The following CFAP69 variants were observed in gnomAD, a reference collection of about 807,000 sequenced individuals.
CFAP69 encodes cilia- and flagella-associated protein 69.
In CFAP69, 92 loss-of-function variants were observed where a neutral mutation model predicts 123.0. The observed-to-expected ratio is 0.75, with a 90% confidence interval of 0.63 to 0.89. The LOEUF (loss-of-function observed/expected upper bound fraction) is 0.89. Among genes scored for constraint, CFAP69 ranks in the 40% least tolerant of loss-of-function variants. The pLI, the probability that CFAP69 is intolerant of heterozygous loss-of-function variation, is 0.00. For missense variants in CFAP69, 1,067 were observed against 1,096.9 expected, an observed-to-expected ratio of 0.97 and a Z score of 0.39; for synonymous variants, 380 against 364.3, an observed-to-expected ratio of 1.04 and a Z score of -0.49.
At chr7:90,263,915 C>T (rs1263421919) in intron 4 of CFAP69, among the ~76,000 whole-genome samples, 1 of 150,904 alleles carries the variant, frequency 6.6e-6, no homozygotes, top group Non-Finnish European at 1.5e-5. Context: ...ACGGTGAAAC[C>T]CCATCTCTAT....
At chr7:90,321,559 T>A in the CFAP69 span, among the ~76,000 whole-genome samples, 90 of 152,326 alleles carry the variant, frequency 5.9e-4, no homozygotes, top group African/African-American at 2.0e-3. Flanking sequence ...TTTTCTTAGC[T>A]GAGAAGATCC....
chr7:90,304,566 C>T, intron 18 of CFAP69, 178 bp from the exon 19 acceptor site: 1 of 1,378,906 alleles, frequency 7.3e-7, no homozygotes, highest in Non-Finnish European at 9.3e-7. Context: ...GAAGCCTACT[C>T]ACAAGCTACT....
intron 14 of CFAP69, among the ~76,000 whole-genome samples, chr7:90,288,014 T>C (rs756530163): frequency 6.6e-6 from 1 of 152,094 alleles, no homozygotes; most frequent in Non-Finnish European, 1.5e-5. Context: ...GGCATGTTGA[T>C]TGATGCCCCC....
chr7:90,262,096 G>T, intron 4 of CFAP69, 40 bp downstream of exon 4: 1 of 1,256,552 alleles, frequency 8.0e-7, no homozygotes, highest in South Asian at 1.3e-5. Context: ...TAGTAACATG[G>T]AGTATTTTAT....
intron 16 of CFAP69, among the ~76,000 whole-genome samples, chr7:90,299,597 C>T (rs932354432): frequency 6.6e-6 from 1 of 152,030 alleles, no homozygotes; most frequent in African/African-American, 2.4e-5. Context: ...AATCTTTTTC[C>T]AACTCAGCCA....
chr7:90,290,844 G>T (rs1791075482), intron 15 of CFAP69, among the ~76,000 whole-genome samples: 1 of 149,506 alleles, frequency 6.7e-6, no homozygotes, highest in Non-Finnish European at 1.5e-5. Flanking sequence ...GCTATGTTTA[G>T]AAAGGGGACA....
In CFAP69 at chr7:90,298,211, G is replaced by A. The variant is rs540294420; in HGVS notation, c.1857+381G>A. On this transcript the variant is annotated intron_variant, in intron 16 of 22. Transcript: ENST00000389297. ...CCTGATATTAAAAGATAAGGGCCAC[G>A]TTAGACAAGGAGCAAAGATAAGCAT... 1.6e-4 allele frequency among the ~76,000 whole-genome samples: 25 copies of A among 152,284 alleles called. 1 individual carries two copies. Among genetic ancestry groups the A allele is most frequent in the Non-Finnish European group, 3.1e-4 (21 of 68,024 alleles).
chr7:90,264,102 A>ATATAT (rs1798738428), intron 4 of CFAP69, among the ~76,000 whole-genome samples: 1 of 33,844 alleles, frequency 3.0e-5, no homozygotes, highest in Non-Finnish European at 7.3e-5. Context: ...AAAAAAAAAA[A>ATATAT]AAATATATAT....
intron 21 of CFAP69, 83 bp downstream of exon 21, chr7:90,307,937 A>T: frequency 1.2e-6 from 1 of 848,066 alleles, no homozygotes; most frequent in Non-Finnish European, 1.8e-6. Context: ...ATATTCATTC[A>T]TTTTTTCCTA....
chr7:90,249,111 A>AT (rs1194146248), intron 1 of CFAP69, among the ~76,000 whole-genome samples: 1 of 152,144 alleles, frequency 6.6e-6, no homozygotes, highest in Non-Finnish European at 1.5e-5. Flanking sequence ...CTCATCTCGA[A>AT]TTGTAATCCC....
rs1429101918 is a variant in CFAP69 at position 90,300,174 on chromosome 7, T to TC, written c.2050+115_2050+116insC. 25 of 1,233,858 alleles carry TC rather than the reference T, an allele frequency of 2.0e-5. No individual in the cohort carries two copies. The African/African-American group carries it at 3.8e-4, about 19-fold the overall frequency. The allele number at this position is 1,233,858 out of a possible 1,614,324, so 76.4% of individuals were successfully genotyped here. ...ACCCCTTTGTCTAAAGTTTTTTTTTTTTTTTTACAAGGGTTTGAAAAATTT... is the reference window on the plus strand; with the variant it reads ...ACCCCTTTGTCTAAAGTTTTTTTTTTCTTTTTTACAAGGGTTTGAAAAATTT... On this transcript the variant is annotated intron_variant, in intron 17 of 22. Coordinates refer to ENST00000389297, the MANE Select transcript of CFAP69 (RefSeq NM_001039706.3).
rs144848515 is a variant in CFAP69, at chr7:90,260,592, C to T, written c.247-1355C>T. On this transcript the variant is annotated intron_variant, in intron 3 of 22. Coordinates refer to ENST00000389297, the MANE Select transcript of CFAP69 (RefSeq NM_001039706.3). ...AATATTAGCTCATTCCAGTTCAAAA[C>T]CTCTTAAGACTTCCATTCAGGAAAA... 3.0e-3 allele frequency among the ~76,000 whole-genome samples: 462 copies of T among 152,198 alleles called. 3 individuals carry two copies. Among genetic ancestry groups the T allele is most frequent in the African/African-American group, 0.01 (434 of 41,526 alleles).
the CFAP69 span, chr7:90,319,739 C>T: frequency 5.0e-6 from 2 of 397,986 alleles, no homozygotes; most frequent in Non-Finnish European, 8.9e-6. Context: ...CTTCTTGTAG[C>T]AAAACACATA....
intron 1 of CFAP69, among the ~76,000 whole-genome samples, chr7:90,254,777 G>C (rs1030844609): frequency 6.6e-6 from 1 of 152,142 alleles, no homozygotes; most frequent in Non-Finnish European, 1.5e-5. Flanking sequence ...AGTTTAGACG[G>C]GTCATGTTCA....
At chr7:90,255,297 T>TA in intron 1 of CFAP69, 126 bp from the exon 2 acceptor site, 1 of 633,976 alleles carries the variant, frequency 1.6e-6, no homozygotes, top group African/African-American at 1.8e-5. Flanking sequence ...ATTCTCCCCT[T>TA]ACTATCGTAG....
At chr7:90,304,557 A>T in intron 18 of CFAP69, 187 bp from the exon 19 acceptor site, 1 of 1,371,478 alleles carries the variant, frequency 7.3e-7, no homozygotes, top group African/African-American at 1.5e-5. Context: ...TTATAGAAAG[A>T]AGCCTACTCA....
intron 11 of CFAP69, among the ~76,000 whole-genome samples, chr7:90,279,406 G>A (rs1274546736): frequency 6.6e-5 from 10 of 151,842 alleles, no homozygotes; most frequent in Non-Finnish European, 1.5e-4. Context: ...ATTATAAGCA[G>A]GAACTACATT....
the CFAP69 span, chr7:90,317,796 T>C: frequency 2.0e-5 from 3 of 152,166 alleles, no homozygotes; most frequent in African/African-American, 7.2e-5. Context: ...TTGTTCAGTA[T>C]TATTTTAGCC....
downstream of CFAP69, chr7:90,312,867 A>T (rs145126229): frequency 2.0e-5 from 3 of 152,338 alleles, no homozygotes; most frequent in Non-Finnish European, 4.4e-5. Context: ...AGGAAGTCAA[A>T]AGAATAAAAG....
Sources: allele counts gnomAD v4.1 joint callset (sites outside exome capture counted in the v4.1 genomes callset), GRCh38; gene constraint gnomAD v4.1.1; transcripts MANE v1.5; gene names NCBI Gene and HGNC (gene_info 2026-07-23, HGNC 2026-07-21).